FNDC3B: variants seen among roughly 807,000 people sequenced by gnomAD.
The protein encoded by FNDC3B is fibronectin type III domain-containing protein 3B.
FNDC3B carries 12 observed loss-of-function variants against 151.5 expected under a neutral mutation model. The ratio of observed to expected loss-of-function variants is 0.08; its 90% confidence interval spans 0.05 to 0.13. The LOEUF is 0.13. Among genes scored for constraint, FNDC3B ranks in the 10% least tolerant of loss-of-function variants. The pLI is 1.00. For synonymous variants in FNDC3B, 528 were observed against 549.0 expected (o/e 0.96, Z 0.54); for missense variants, 1,214 against 1,505.3 (o/e 0.81, Z 3.20).
At chr3:172,315,221 C>T (rs111698934) in intron 11 of FNDC3B, among the ~76,000 whole-genome samples, 2 of 152,022 alleles carry the variant, frequency 1.3e-5, no homozygotes, top group South Asian at 4.1e-4. Flanking sequence ...TACTAAAATA[C>T]AAAAAATTAG....
chr3:172,074,501 G>C (rs935535632), intron 1 of FNDC3B, among the ~76,000 whole-genome samples: 1 of 152,144 alleles, frequency 6.6e-6, no homozygotes, highest in African/African-American at 2.4e-5. Context: ...CTGTTACTTC[G>C]TGCTTTTGCA....
intron 3 of FNDC3B, among the ~76,000 whole-genome samples, chr3:172,200,584 G>A (rs1293970406): frequency 6.6e-6 from 1 of 152,176 alleles, no homozygotes; most frequent in Non-Finnish European, 1.5e-5. Flanking sequence ...TCACCCAACT[G>A]TAGGCTAATG....
At chr3:172,276,059 A>G (rs1405728815) in intron 6 of FNDC3B, among the ~76,000 whole-genome samples, 2 of 152,200 alleles carry the variant, frequency 1.3e-5, no homozygotes, top group African/African-American at 2.4e-5. Context: ...TTTCTGGAAG[A>G]TATAGAAGAT....
At chr3:172,251,621 AG>A in intron 6 of FNDC3B, 80 bp downstream of exon 6, 2 of 1,334,332 alleles carry the variant, frequency 1.5e-6, no homozygotes, top group Non-Finnish European at 2.0e-6. Context: ...CTTTTACATG[AG>A]AATATTATTT....
chr3:172,328,328 A>G (rs962281527), intron 11 of FNDC3B, among the ~76,000 whole-genome samples: 4 of 152,250 alleles, frequency 2.6e-5, no homozygotes, highest in Non-Finnish European at 5.9e-5. Flanking sequence ...TGTTATGAGC[A>G]AAGCAGACGT....
At chr3:172,229,807 A>G (rs984722242) in intron 4 of FNDC3B, among the ~76,000 whole-genome samples, 5 of 152,228 alleles carry the variant, frequency 3.3e-5, no homozygotes, top group African/African-American at 9.6e-5. Context: ...ATAATGCTCA[A>G]TAGATGGAAA....
In FNDC3B at chr3:172,328,076, C is replaced by T. The variant is rs192135366; in HGVS notation, c.1255-876C>T. On this transcript the variant is annotated intron_variant, in intron 11 of 25. Transcript: ENST00000415807. ...ACATGCCTGTGAGTGTGGCATAGGG[C>T]GGTTAGACTTTTTCCTTACTTGTTG... is the stretch of plus-strand genomic sequence containing the variant. Among the ~76,000 whole-genome samples the T allele has an allele frequency of 6.6e-5, 10 of 152,258 alleles. No homozygotes were observed. In the East Asian group the frequency reaches 9.6e-4, roughly 15 times the overall value.
intron 3 of FNDC3B, among the ~76,000 whole-genome samples, chr3:172,211,195 C>T (rs9867872): frequency 0.89 from 135,784 of 152,294 alleles, 60,820 homozygotes; most frequent in African/African-American, 0.95. Context: ...GGTTTTTAAG[C>T]AGTGAGTACA....
intron 13 of FNDC3B, 61 bp from the exon 14 acceptor site, chr3:172,333,028 A>G (rs1732757748): frequency 2.0e-6 from 2 of 1,016,244 alleles, no homozygotes; most frequent in Middle Eastern, 2.0e-4. Flanking sequence ...TCCTGTATTC[A>G]AAGGTATTTA....
intron 5 of FNDC3B, 105 bp downstream of exon 5, chr3:172,247,881 G>A: frequency 3.1e-6 from 4 of 1,288,566 alleles, no homozygotes; most frequent in Non-Finnish European, 4.3e-6. Flanking sequence ...AGTAGAAAAG[G>A]ATCTAGGTGG....
In FNDC3B at chr3:172,168,492, G is replaced by A. The variant is rs139195502; in HGVS notation, c.187+34946G>A. Among the ~76,000 whole-genome samples the A allele has an allele frequency of 7.0e-3, 1,064 of 152,286 alleles. 17 individuals are homozygous for A. The highest frequency in any genetic ancestry group is 0.024 in the African/African-American group (1,009 of 41,550). Reference sequence around the variant, plus strand: ...ATGCTGGTGATAGCTTCTATCACATGCGAGAACTGACAGTTAAATTTTCAG... The same window carrying A: ...ATGCTGGTGATAGCTTCTATCACATACGAGAACTGACAGTTAAATTTTCAG... On this transcript the variant is annotated intron_variant, in intron 3 of 25. Transcript: ENST00000415807.
At chr3:172,349,125 A>G (rs1733741090) in intron 21 of FNDC3B, among the ~76,000 whole-genome samples, 1 of 148,282 alleles carries the variant, frequency 6.7e-6, no homozygotes, top group Non-Finnish European at 1.5e-5. Context: ...CCCCTCCTCT[A>G]CAAAAAAAAA....
chr3:172,260,032 G>A (rs137980879), intron 6 of FNDC3B, among the ~76,000 whole-genome samples: 2 of 152,218 alleles, frequency 1.3e-5, no homozygotes, highest in African/African-American at 4.8e-5. Context: ...ACTGAACTCT[G>A]TAAACCCATG....
chr3:172,363,289 C>T (rs542858551), intron 23 of FNDC3B, among the ~76,000 whole-genome samples: 14 of 152,244 alleles, frequency 9.2e-5, no homozygotes, highest in African/African-American at 3.1e-4. Context: ...CAGATGGGGA[C>T]TGTACTCTGT....
At chr3:172,092,838 C>T (rs1035298623) in intron 1 of FNDC3B, among the ~76,000 whole-genome samples, 2 of 152,148 alleles carry the variant, frequency 1.3e-5, no homozygotes, top group Non-Finnish European at 2.9e-5. Context: ...CAGTGTCTCA[C>T]TCTGTTGCCC....
At chr3:172,330,306 C>G (rs1381368337) in intron 12 of FNDC3B, 2 of 401,484 alleles carry the variant, frequency 5.0e-6, no homozygotes, top group South Asian at 1.2e-4. Context: ...ATACAGAAGG[C>G]CAACTGTATA....
chr3:172,117,344 A>G (rs538413484), intron 2 of FNDC3B, among the ~76,000 whole-genome samples: 1 of 152,298 alleles, frequency 6.6e-6, no homozygotes, highest in South Asian at 2.1e-4. Context: ...TAATCAGAAA[A>G]TTGATGCCTT....
chr3:172,322,905 G>T lies in FNDC3B; in HGVS notation c.1255-6047G>T, dbSNP rs563656109. ...TCTGCCTGCTCCCTTAGTGATAAGGGCAGGGAACCCAAACAGACTGTTTAT... is the reference window on the plus strand; with the variant it reads ...TCTGCCTGCTCCCTTAGTGATAAGGTCAGGGAACCCAAACAGACTGTTTAT... On this transcript the variant is annotated intron_variant, in intron 11 of 25. Coordinates refer to ENST00000415807, the MANE Select transcript of FNDC3B (RefSeq NM_022763.4). 1.6e-3 allele frequency among the ~76,000 whole-genome samples: 244 copies of T among 152,282 alleles called. 1 individual carries two copies. The highest frequency in any genetic ancestry group is 5.8e-3 in the African/African-American group (243 of 41,544).
chr3:172,285,433 C>A (rs1354657590), intron 6 of FNDC3B, among the ~76,000 whole-genome samples: 2 of 152,194 alleles, frequency 1.3e-5, no homozygotes, highest in Admixed American at 6.5e-5. Context: ...TTCTTAGACA[C>A]CCCAGTGGCT....
Sources: allele counts gnomAD v4.1 joint callset (sites outside exome capture counted in the v4.1 genomes callset), GRCh38; gene constraint gnomAD v4.1.1; transcripts MANE v1.5; gene names NCBI Gene and HGNC (gene_info 2026-07-23, HGNC 2026-07-21).